The following CMTM4 variants were observed in gnomAD, a reference collection of about 807,000 sequenced individuals.
CMTM4 encodes CKLF like MARVEL transmembrane domain containing 4.
A neutral mutation model predicts 19.0 loss-of-function variants in CMTM4; 8 were observed. The observed-to-expected ratio is 0.42, with a 90% CI of 0.25 to 0.76. The LOEUF (loss-of-function observed/expected upper bound fraction) is 0.76, where lower values mean the gene tolerates loss of function less well. Ranked by LOEUF, CMTM4 falls within the 30% of genes least tolerant of loss-of-function variation. The pLI, the probability that CMTM4 is intolerant of heterozygous loss-of-function variation, is 0.27. For missense variants in CMTM4, 228 were observed against 290.2 expected (o/e 0.79, Z 1.56); for synonymous variants, 106 against 121.1 (o/e 0.88, Z 0.82).
intron 1 of CMTM4, among the ~76,000 whole-genome samples, chr16:66,646,232 A>C (rs1483270430): frequency 6.6e-6 from 1 of 152,210 alleles, no homozygotes; most frequent in Non-Finnish European, 1.5e-5. Flanking sequence ...GATTTAAGCT[A>C]AACAGTAAAA....
chr16:66,648,206 C>T (rs1170165669), intron 1 of CMTM4, among the ~76,000 whole-genome samples: 1 of 152,226 alleles, frequency 6.6e-6, no homozygotes, highest in Non-Finnish European at 1.5e-5. Flanking sequence ...CAGTGCCCAG[C>T]AAGCTCTGAA....
At chr16:66,628,143 G>A (rs895280441) in intron 2 of CMTM4, among the ~76,000 whole-genome samples, 2 of 152,208 alleles carry the variant, frequency 1.3e-5, no homozygotes, top group African/African-American at 2.4e-5. Flanking sequence ...CTCGCCTCCC[G>A]CCATAGGGCG....
At chr16:66,673,907 C>T (rs1386802272) in intron 1 of CMTM4, among the ~76,000 whole-genome samples, 3 of 152,190 alleles carry the variant, frequency 2.0e-5, no homozygotes, top group Non-Finnish European at 2.9e-5. Flanking sequence ...AGACAAAGTG[C>T]CATGTGCTGT....
At chr16:66,667,071 T>A (rs1402845494) in intron 1 of CMTM4, among the ~76,000 whole-genome samples, 1 of 152,232 alleles carries the variant, frequency 6.6e-6, no homozygotes, top group Non-Finnish European at 1.5e-5. Context: ...ACGCCTGTAA[T>A]CCTAACACTT....
chr16:66,601,461 G>T, the CMTM4 span, among the ~76,000 whole-genome samples: 11 of 152,212 alleles, frequency 7.2e-5, no homozygotes, highest in Admixed American at 2.6e-4. Context: ...CTCTGGCTGA[G>T]ACTGGGGCTT....
chr16:66,678,202 G>C (rs1239916501), intron 1 of CMTM4, among the ~76,000 whole-genome samples: 1 of 152,048 alleles, frequency 6.6e-6, no homozygotes, highest in African/African-American at 2.4e-5. Flanking sequence ...GAAAAGCAAA[G>C]CCATCAGGGG....
chr16:66,671,315 C>G (rs1316579089), intron 1 of CMTM4, among the ~76,000 whole-genome samples: 3 of 152,030 alleles, frequency 2.0e-5, no homozygotes, highest in African/African-American at 7.2e-5. Context: ...GCAAGCGGCA[C>G]GGGTGGCTGG....
chr16:66,610,023 AC>A (rs2015316810), downstream of CMTM4: 1 of 1,612,896 alleles, frequency 6.2e-7, no homozygotes, highest in Non-Finnish European at 8.5e-7. The surrounding 1 kb of genome is among the most constrained non-coding windows in gnomAD (Gnocchi z 4.6). Context: ...TGCCCTGATC[AC>A]CCCAGCAGTG....
chr16:66,604,747 C>T, the CMTM4 span: 4 of 1,197,992 alleles, frequency 3.3e-6, no homozygotes, highest in Non-Finnish European at 4.2e-6. Context: ...TTTCCGCTTC[C>T]CTCCGGGCGC....
intron 1 of CMTM4, among the ~76,000 whole-genome samples, chr16:66,677,084 C>A (rs761245472): frequency 6.6e-6 from 1 of 151,996 alleles, no homozygotes; most frequent in African/African-American, 2.4e-5. Flanking sequence ...CTACAAAACA[C>A]AAAATTAGCC....
the CMTM4 span, chr16:66,605,288 C>A: frequency 9.5e-6 from 2 of 211,010 alleles, no homozygotes; most frequent in East Asian, 1.0e-4. This position sits in a 1 kb window ranked among gnomAD's most constrained non-coding sequence, Gnocchi z 4.6. Context: ...ACTCGGGCAA[C>A]TCGGACCTCC....
intron 2 of CMTM4, among the ~76,000 whole-genome samples, chr16:66,628,896 A>C (rs2015796476): frequency 6.6e-6 from 1 of 152,218 alleles, no homozygotes; most frequent in Non-Finnish European, 1.5e-5. Flanking sequence ...TGGTTATTAT[A>C]GATAATGTAG....
chr16:66,684,754 G>A (rs539128614), intron 1 of CMTM4, among the ~76,000 whole-genome samples: 1 of 152,318 alleles, frequency 6.6e-6, no homozygotes, highest in African/African-American at 2.4e-5. Context: ...TTCTGAGCTT[G>A]AGCCCTTCTA....
chr16:66,683,968 C>A (rs1048182518), intron 1 of CMTM4, among the ~76,000 whole-genome samples: 5 of 152,038 alleles, frequency 3.3e-5, no homozygotes, highest in African/African-American at 9.7e-5. Flanking sequence ...AGAGAATAAA[C>A]CCTGAGTGCA....
chr16:66,608,241 G>T, the CMTM4 span: 2 of 1,563,650 alleles, frequency 1.3e-6, no homozygotes, highest in Non-Finnish European at 1.8e-6. The surrounding 1 kb of genome is among the most constrained non-coding windows in gnomAD (Gnocchi z 5.1). Flanking sequence ...CACAGGGCCT[G>T]GCTCAGAGGA....
At chr16:66,654,702 CT>C (rs1377972299) in intron 1 of CMTM4, among the ~76,000 whole-genome samples, 1 of 152,224 alleles carries the variant, frequency 6.6e-6, no homozygotes, top group East Asian at 1.9e-4. Flanking sequence ...GGCACATTTA[CT>C]TCTCTTCTCT....
rs959321268 is a variant in CMTM4, at chr16:66,621,196, C to T, written c.*862G>A. On this transcript the variant is annotated 3_prime_UTR_variant, in exon 4 of 4. Transcript: ENST00000394106. ...CGCGTGTGCATGCTGTTTTTTAACACAAACACCTCCCACCTGCGGTTCATG... is the reference window on the plus strand; with the variant it reads ...CGCGTGTGCATGCTGTTTTTTAACATAAACACCTCCCACCTGCGGTTCATG... 2.1e-5 allele frequency: 21 copies of T among 984,886 alleles called. No individual in the cohort carries two copies. The highest frequency in any genetic ancestry group is 2.5e-5 in the Non-Finnish European group (21 of 829,920). The allele number at this position is 984,886 out of a possible 1,614,324, so 61.0% of individuals were successfully genotyped here. A position where few individuals can be genotyped will look rare whatever the true frequency, so the allele number is the denominator to read the frequency against.
rs2015622238 is a variant in CMTM4 at position 66,620,992 on chromosome 16, C to T, written c.*1066G>A. The T allele has an allele frequency of 1.0e-6, 1 of 985,738 alleles. No individual in the cohort carries two copies. The highest frequency in any genetic ancestry group is 1.7e-5 in the African/African-American group (1 of 57,236). The allele number at this position is 985,738 out of a possible 1,614,324, so 61.1% of individuals were successfully genotyped here. On this transcript the variant is annotated 3_prime_UTR_variant, in exon 4 of 4. Coordinates refer to ENST00000394106, the MANE Select transcript of CMTM4 (RefSeq NM_181521.3). ...TCTACAGTTATGACACTGAGGCGCCCAAAGCGACAATTAGTGCCTTCTGAA... is the reference window on the plus strand; with the variant it reads ...TCTACAGTTATGACACTGAGGCGCCTAAAGCGACAATTAGTGCCTTCTGAA...
chr16:66,630,272 A>C (rs2015823310), intron 2 of CMTM4, among the ~76,000 whole-genome samples: 2 of 148,194 alleles, frequency 1.3e-5, no homozygotes, highest in South Asian at 4.3e-4. Flanking sequence ...AAAAAAAAAA[A>C]CACAAGACTT....
Sources: allele counts gnomAD v4.1 joint callset (sites outside exome capture counted in the v4.1 genomes callset), GRCh38; gene constraint gnomAD v4.1.1; non-coding constraint Gnocchi (gnomAD v3.1); transcripts MANE v1.5; gene names NCBI Gene and HGNC (gene_info 2026-07-23, HGNC 2026-07-21).